Variants in NFIB observed in about 807,000 individuals in gnomAD.
NFIB encodes nuclear factor I B, also known as nuclear factor 1 B-type.
A neutral mutation model predicts 61.5 loss-of-function variants in NFIB; 11 were observed. The ratio of observed to expected loss-of-function variants is 0.18; its 90% confidence interval spans 0.11 to 0.30. The LOEUF (loss-of-function observed/expected upper bound fraction) is 0.30, where lower values mean the gene tolerates loss of function less well. Ranked by LOEUF, NFIB falls within the 10% of genes least tolerant of loss-of-function variation. The pLI is 1.00. For synonymous variants in NFIB, 260 were observed against 216.5 expected, an observed-to-expected ratio of 1.20 and a Z score of -1.76; for missense variants, 471 against 608.9, an observed-to-expected ratio of 0.77 and a Z score of 2.38.
chr9:14,266,187 A>G (rs1396573379), intron 2 of NFIB, among the ~76,000 whole-genome samples: 2 of 152,180 alleles, frequency 1.3e-5, no homozygotes, highest in East Asian at 3.9e-4. Context: ...TAAGTCTTCA[A>G]TAACACCCAA....
At chr9:14,397,119 T>G (rs2061694965) in intron 1 of NFIB, among the ~76,000 whole-genome samples, 2 of 152,198 alleles carry the variant, frequency 1.3e-5, no homozygotes, top group Non-Finnish European at 2.9e-5. Context: ...TTCTCACTCT[T>G]CTTCTTTAAG....
At chr9:14,514,417 G>C in the NFIB span, among the ~76,000 whole-genome samples, 1 of 151,954 alleles carries the variant, frequency 6.6e-6, no homozygotes, top group African/African-American at 2.4e-5. Flanking sequence ...CTGAAAACAA[G>C]AGCAAGATGT....
chr9:14,295,920 A>G (rs2132596400), intron 2 of NFIB, among the ~76,000 whole-genome samples: 1 of 152,366 alleles, frequency 6.6e-6, no homozygotes, highest in South Asian at 2.1e-4. Flanking sequence ...CAATAAATTT[A>G]GTCTCTGGTA....
intron 2 of NFIB, among the ~76,000 whole-genome samples, chr9:14,180,356 A>C (rs962778605): frequency 3.3e-5 from 5 of 152,202 alleles, no homozygotes; most frequent in African/African-American, 1.2e-4. Context: ...GAAAGCATAA[A>C]TTACTAGGTA....
chr9:14,380,551 A>G (rs1007157894), intron 1 of NFIB, among the ~76,000 whole-genome samples: 4 of 152,260 alleles, frequency 2.6e-5, no homozygotes, highest in Non-Finnish European at 5.9e-5. Flanking sequence ...CACTGAGTAT[A>G]CATGGGAAAT....
intron 1 of NFIB, among the ~76,000 whole-genome samples, chr9:14,382,834 G>A (rs1281988773): frequency 6.6e-6 from 1 of 152,096 alleles, no homozygotes; most frequent in Non-Finnish European, 1.5e-5. Flanking sequence ...AACACATAGA[G>A]AATGAAAGTC....
At chr9:14,383,691 G>C (rs2061515531) in intron 1 of NFIB, among the ~76,000 whole-genome samples, 1 of 152,204 alleles carries the variant, frequency 6.6e-6, no homozygotes, top group Non-Finnish European at 1.5e-5. Context: ...AAGAGAATTT[G>C]ATCACTTTGT....
chr9:14,496,892 G>A, the NFIB span, among the ~76,000 whole-genome samples: 1 of 152,184 alleles, frequency 6.6e-6, no homozygotes, highest in African/African-American at 2.4e-5. Context: ...TTCCTGCTTA[G>A]TTTGTGACAC....
chr9:14,241,716 T>G (rs188236735), intron 2 of NFIB, among the ~76,000 whole-genome samples: 3 of 152,302 alleles, frequency 2.0e-5, no homozygotes, highest in African/African-American at 4.8e-5. Flanking sequence ...TACAGGTTAG[T>G]CTGGTGTGTA....
At position 14,182,649 on chromosome 9, in the gene NFIB, T is replaced by C. The variant is rs1479911292; in HGVS notation, c.563-2869A>G. Among the ~76,000 whole-genome samples the C allele has an allele frequency of 2.0e-5, 3 of 149,516 alleles. No homozygotes were observed. The East Asian group carries it at 5.9e-4, about 30-fold the overall frequency. On this transcript the variant is annotated intron_variant, in intron 2 of 10. Transcript: ENST00000380953. ...TTACTCTATACCCAAAGGTTTTATT[T>C]AACCACTTCCATCACTTTGCTCAAC... is the stretch of plus-strand genomic sequence containing the variant.
chr9:14,522,503 T>C, the NFIB span, among the ~76,000 whole-genome samples: 2 of 152,222 alleles, frequency 1.3e-5, no homozygotes, highest in South Asian at 2.1e-4. Context: ...TTAAAGTCTT[T>C]GTTATTATTG....
intron 2 of NFIB, among the ~76,000 whole-genome samples, chr9:14,283,890 G>C (rs2058542348): frequency 1.3e-5 from 2 of 152,148 alleles, no homozygotes; most frequent in Admixed American, 1.3e-4. Flanking sequence ...TCTTTGTCTA[G>C]GTAGGTAGGT....
chr9:14,462,827 A>G, the NFIB span, among the ~76,000 whole-genome samples: 7 of 152,362 alleles, frequency 4.6e-5, no homozygotes, highest in East Asian at 1.3e-3. Context: ...GCACAAGGCC[A>G]TAGCCAATCA....
chr9:14,326,509 A>T (rs1470779860), intron 1 of NFIB, among the ~76,000 whole-genome samples: 2 of 152,160 alleles, frequency 1.3e-5, no homozygotes, highest in Admixed American at 6.5e-5. Flanking sequence ...AGATCTGATG[A>T]CATCTTCTAA....
chr9:14,398,794 A>C, exon 1 of NFIB: 1 of 557,774 alleles, frequency 1.8e-6, no homozygotes, highest in Non-Finnish European at 3.1e-6. Flanking sequence ...ATGGATCTTT[A>C]TGGAGCAGAG....
the NFIB span, among the ~76,000 whole-genome samples, chr9:14,428,097 C>G: frequency 3.0e-4 from 45 of 151,288 alleles, no homozygotes; most frequent in Admixed American, 9.2e-4. Context: ...AGGCATATGC[C>G]ACCGTACCTC....
chr9:14,414,114 G>A, the NFIB span, among the ~76,000 whole-genome samples: 3 of 152,042 alleles, frequency 2.0e-5, no homozygotes, highest in Non-Finnish European at 4.4e-5. Flanking sequence ...GCCATGTCCC[G>A]TTTTCATAAT....
chr9:14,499,025 C>T, the NFIB span, among the ~76,000 whole-genome samples: 2 of 150,442 alleles, frequency 1.3e-5, no homozygotes, highest in African/African-American at 4.9e-5. Context: ...TGCACATGTG[C>T]ACGTGTGTGT....
At chr9:14,229,948 A>G (rs2052911901) in intron 2 of NFIB, among the ~76,000 whole-genome samples, 1 of 152,148 alleles carries the variant, frequency 6.6e-6, no homozygotes, top group Admixed American at 6.5e-5. Context: ...TTACAGGCAT[A>G]TGCCACCATG....
Sources: gnomAD v4.1 joint callset for allele counts (sites outside exome capture counted in the v4.1 genomes callset) on GRCh38, gnomAD v4.1.1 for gene constraint, MANE v1.5 for transcripts, NCBI Gene and HGNC (gene_info 2026-07-23, HGNC 2026-07-21) for gene names.